The following STOX2 variants were observed in gnomAD, a reference collection of about 807,000 sequenced individuals.
STOX2 encodes the protein storkhead box 2, also known as storkhead-box protein 2.
In STOX2, 28 loss-of-function variants were observed where a neutral mutation model predicts 60.9. The observed-to-expected ratio is 0.46, with a 90% CI of 0.34 to 0.63. The LOEUF is 0.63. STOX2 is among the 30% of genes least tolerant of loss of function. The probability of loss-of-function intolerance (pLI) is 0.01; values close to 1 mark genes in which losing one functional copy is unlikely to be tolerated. For missense variants in STOX2, 1,024 were observed against 1,187.7 expected (o/e 0.86, Z 2.03); for synonymous variants, 472 against 463.9 (o/e 1.02, Z -0.22).
At chr4:184,007,792 C>T (rs772451328) in intron 2 of STOX2, among the ~76,000 whole-genome samples, 1 of 152,158 alleles carries the variant, frequency 6.6e-6, no homozygotes, top group Non-Finnish European at 1.5e-5. Flanking sequence ...CACTGTCTTC[C>T]CTCTGTGCCT....
intron 1 of STOX2, among the ~76,000 whole-genome samples, chr4:183,975,554 A>C (rs981237700): frequency 6.6e-6 from 1 of 152,176 alleles, no homozygotes; most frequent in Non-Finnish European, 1.5e-5. Flanking sequence ...CTGTGCACAT[A>C]AATTCAACAA....
chr4:183,967,777 A>T (rs1208970275), intron 1 of STOX2, among the ~76,000 whole-genome samples: 1 of 152,244 alleles, frequency 6.6e-6, no homozygotes, highest in Admixed American at 6.5e-5. Context: ...GTTATGAAAA[A>T]TGTAGTGCCA....
chr4:183,967,834 A>G (rs1743623940), intron 1 of STOX2, among the ~76,000 whole-genome samples: 1 of 152,238 alleles, frequency 6.6e-6, no homozygotes. Context: ...ATAACAGTTT[A>G]TGAATGCAAA....
chr4:183,876,435 C>T (rs532072596), intron 1 of STOX2, among the ~76,000 whole-genome samples: 2 of 152,254 alleles, frequency 1.3e-5, no homozygotes, highest in African/African-American at 4.8e-5. Flanking sequence ...AAGTGGATGA[C>T]GTAAGTGGAT....
intron 1 of STOX2, among the ~76,000 whole-genome samples, chr4:183,880,755 C>A (rs1302428360): frequency 1.3e-5 from 2 of 152,186 alleles, no homozygotes; most frequent in Non-Finnish European, 2.9e-5. Flanking sequence ...GTTTTCCTCT[C>A]ATTTTACAAT....
At chr4:183,936,405 C>A (rs1742592050) in intron 1 of STOX2, among the ~76,000 whole-genome samples, 2 of 149,096 alleles carry the variant, frequency 1.3e-5, no homozygotes, top group South Asian at 4.2e-4. Flanking sequence ...AAGGTTTTTG[C>A]ATATTTTCTC....
intron 1 of STOX2, among the ~76,000 whole-genome samples, chr4:183,923,136 A>G (rs905814508): frequency 6.6e-6 from 1 of 152,230 alleles, no homozygotes; most frequent in African/African-American, 2.4e-5. Flanking sequence ...CTTTATGTAC[A>G]TACCCAGAAG....
intron 1 of STOX2, among the ~76,000 whole-genome samples, chr4:183,910,473 T>C (rs375573759): frequency 2.6e-5 from 4 of 152,334 alleles, no homozygotes; most frequent in Non-Finnish European, 5.9e-5. Flanking sequence ...TTCACACGAA[T>C]GATGCTGCTA....
At chr4:183,910,021 A>C (rs1162847654) in intron 1 of STOX2, among the ~76,000 whole-genome samples, 1 of 152,228 alleles carries the variant, frequency 6.6e-6, no homozygotes, top group African/African-American at 2.4e-5. Flanking sequence ...AACTCATGCT[A>C]CCAAATCTGA....
At chr4:183,973,854 C>A (rs761594629) in intron 1 of STOX2, among the ~76,000 whole-genome samples, 1 of 152,052 alleles carries the variant, frequency 6.6e-6, no homozygotes, top group African/African-American at 2.4e-5. Context: ...ATTAGCTGGG[C>A]GTGGTGGCGC....
intron 1 of STOX2, among the ~76,000 whole-genome samples, chr4:183,931,142 G>C (rs974630172): frequency 5.3e-5 from 8 of 152,106 alleles, no homozygotes; most frequent in Non-Finnish European, 8.8e-5. Flanking sequence ...TGGAGCTACT[G>C]GTTGGGCACG....
intron 2 of STOX2, among the ~76,000 whole-genome samples, chr4:184,006,685 CAAAA>C (rs1199363509): frequency 1.3e-5 from 1 of 76,536 alleles, no homozygotes; most frequent in Admixed American, 1.8e-4. Context: ...GACCCTGTCT[CAAAA>C]AAAAAAAAAA....
intron 2 of STOX2, among the ~76,000 whole-genome samples, chr4:184,004,754 T>C (rs1047022868): frequency 6.6e-6 from 1 of 152,258 alleles, no homozygotes; most frequent in Non-Finnish European, 1.5e-5. Context: ...AGAATATTTT[T>C]AAAAGGTTTA....
At chr4:183,854,885 A>G (rs1391933242) in intron 1 of STOX2, among the ~76,000 whole-genome samples, 1 of 152,214 alleles carries the variant, frequency 6.6e-6, no homozygotes, top group East Asian at 1.9e-4. Context: ...TGAATTTAGT[A>G]TAATATTTGT....
chr4:183,966,191 C>T (rs376126598), intron 1 of STOX2, among the ~76,000 whole-genome samples: 3 of 151,988 alleles, frequency 2.0e-5, no homozygotes, highest in Non-Finnish European at 4.4e-5. Context: ...ATGCCTGAGA[C>T]GGTGGGTGGG....
intron 1 of STOX2, among the ~76,000 whole-genome samples, chr4:183,877,514 A>C (rs548675582): frequency 1.1e-4 from 16 of 152,362 alleles, no homozygotes; most frequent in Admixed American, 7.8e-4. Flanking sequence ...GGGAGAAAAT[A>C]GGGTCTGTAA....
chr4:183,991,672 C>T (rs902869327), intron 1 of STOX2, among the ~76,000 whole-genome samples: 2 of 152,096 alleles, frequency 1.3e-5, no homozygotes, highest in African/African-American at 2.4e-5. Flanking sequence ...GATCCACCCA[C>T]CTCGACCTCC....
At chr4:183,864,657 G>A (rs1001809377) in intron 1 of STOX2, among the ~76,000 whole-genome samples, 1 of 152,088 alleles carries the variant, frequency 6.6e-6, no homozygotes, top group African/African-American at 2.4e-5. Flanking sequence ...GCCTCCCAAC[G>A]TGCTGGGATT....
chr4:183,863,451 A>G (rs1005479005), intron 1 of STOX2, among the ~76,000 whole-genome samples: 3 of 152,226 alleles, frequency 2.0e-5, no homozygotes, highest in African/African-American at 7.2e-5. Flanking sequence ...GTGTGAAAGG[A>G]TTAGAAACAA....
Sources: gnomAD v4.1 joint callset for allele counts (sites outside exome capture counted in the v4.1 genomes callset) on GRCh38, gnomAD v4.1.1 for gene constraint, MANE v1.5 for transcripts, NCBI Gene and HGNC (gene_info 2026-07-23, HGNC 2026-07-21) for gene names.